TMEM182: variants seen among roughly 807,000 people sequenced by gnomAD.
TMEM182 encodes transmembrane protein 182.
Under a neutral mutation model 26.8 loss-of-function variants are expected in TMEM182, and 20 were observed. That is an observed-to-expected ratio of 0.75 (90% CI 0.53 to 1.09). The LOEUF (loss-of-function observed/expected upper bound fraction) is 1.09. Among genes scored for constraint, TMEM182 ranks in the 50% least tolerant of loss-of-function variants. The pLI, the probability that TMEM182 is intolerant of heterozygous loss-of-function variation, is 0.00. For synonymous variants in TMEM182, 109 were observed against 102.2 expected, an observed-to-expected ratio of 1.07 and a Z score of -0.40; for missense variants, 277 against 275.5, an observed-to-expected ratio of 1.01 and a Z score of -0.04.
chr2:102,784,749 C>T (rs1206389532), intron 3 of TMEM182, among the ~76,000 whole-genome samples: 1 of 152,090 alleles, frequency 6.6e-6, no homozygotes, highest in Non-Finnish European at 1.5e-5. Flanking sequence ...CTTTTTAGAC[C>T]ATATAGGGTA....
chr2:102,785,016 C>A (rs1025397170), intron 3 of TMEM182, among the ~76,000 whole-genome samples: 4 of 152,144 alleles, frequency 2.6e-5, no homozygotes, highest in Non-Finnish European at 4.4e-5. Flanking sequence ...TTACCCAGCT[C>A]GAGATGGAGT....
intron 1 of TMEM182, among the ~76,000 whole-genome samples, chr2:102,751,397 G>A (rs1679872290): frequency 6.6e-6 from 1 of 152,108 alleles, no homozygotes. Context: ...GTCATCTGCT[G>A]CCTACTGCAA....
At chr2:102,804,359 C>G (rs1682268600) in intron 4 of TMEM182, among the ~76,000 whole-genome samples, 1 of 152,054 alleles carries the variant, frequency 6.6e-6, no homozygotes, top group African/African-American at 2.4e-5. Context: ...CATTCTTATG[C>G]CTTTGCGTCC....
chr2:102,814,332 C>A (rs773812870), intron 4 of TMEM182, among the ~76,000 whole-genome samples: 7 of 151,888 alleles, frequency 4.6e-5, no homozygotes, highest in Non-Finnish European at 8.8e-5. Context: ...GGTAAGTGTA[C>A]CTATTTCAAT....
chr2:102,822,851 GTAGAAAGCAC>G (rs1302044578), intron 3 of TMEM182, among the ~76,000 whole-genome samples: 6 of 152,086 alleles, frequency 3.9e-5, no homozygotes, highest in Admixed American at 3.9e-4. Context: ...CACCCAGAAT[GTAGAAAGCAC>G]TCAGTACATT....
chr2:102,834,463 T>A, intron 3 of TMEM182: 1 of 985,008 alleles, frequency 1.0e-6, no homozygotes, highest in Non-Finnish European at 1.2e-6. Context: ...CGTCTGCCAG[T>A]GCCCCATGGT....
At chr2:102,841,866 G>T (rs188746620) in intron 3 of TMEM182, among the ~76,000 whole-genome samples, 2 of 152,094 alleles carry the variant, frequency 1.3e-5, no homozygotes, top group African/African-American at 4.8e-5. Context: ...CTTCCATCTC[G>T]CTATGTGTAT....
At chr2:102,769,026 T>C (rs571250044) in intron 3 of TMEM182, among the ~76,000 whole-genome samples, 1 of 152,280 alleles carries the variant, frequency 6.6e-6, no homozygotes, top group South Asian at 2.1e-4. Flanking sequence ...GTCAACTGTT[T>C]CTTCTACCAT....
chr2:102,809,840 T>C (rs1317175299), intron 4 of TMEM182, among the ~76,000 whole-genome samples: 1 of 152,230 alleles, frequency 6.6e-6, no homozygotes, highest in African/African-American at 2.4e-5. Context: ...CGATTTTGTT[T>C]TCTGATTCTA....
chr2:102,806,999 G>A (rs983547913), intron 4 of TMEM182, among the ~76,000 whole-genome samples: 7 of 152,194 alleles, frequency 4.6e-5, no homozygotes, highest in African/African-American at 1.7e-4. Context: ...CTCATTTTCA[G>A]ATTAAACCCC....
intron 3 of TMEM182, among the ~76,000 whole-genome samples, chr2:102,785,010 C>T (rs1681329293): frequency 6.6e-6 from 1 of 152,144 alleles, no homozygotes. Flanking sequence ...CTCATCTTAC[C>T]CAGCTCGAGA....
chr2:102,738,736 A>G (rs2732828), intron 1 of TMEM182, among the ~76,000 whole-genome samples: 122,263 of 152,156 alleles, frequency 0.8, 49,990 homozygotes, highest in East Asian at 1. Context: ...ACTAGTATAG[A>G]TGCATTTACA....
intron 4 of TMEM182, among the ~76,000 whole-genome samples, chr2:102,802,820 G>A (rs1425544553): frequency 1.3e-5 from 2 of 152,206 alleles, no homozygotes; most frequent in African/African-American, 4.8e-5. Context: ...CTGGCATTGG[G>A]AGATCAGCCA....
rs207462109 is a variant in TMEM182, at chr2:102,807,268, A to G, written c.470-7480A>G. On this transcript the variant is annotated intron_variant, in intron 4 of 4. Transcript: ENST00000412401. ...GCAGAATGATGAAGTGTGTGCAGCAATGAGTGTTTGGAAATCAGAAAAGTG... is the reference window on the plus strand; with the variant it reads ...GCAGAATGATGAAGTGTGTGCAGCAGTGAGTGTTTGGAAATCAGAAAAGTG... 2.0e-5 allele frequency among the ~76,000 whole-genome samples: 3 copies of G among 152,314 alleles called. No homozygotes were observed. The South Asian group carries it at 6.2e-4, about 32-fold the overall frequency.
intron 4 of TMEM182, among the ~76,000 whole-genome samples, chr2:102,810,988 A>G (rs1237554486): frequency 7.0e-6 from 1 of 141,954 alleles, no homozygotes; most frequent in South Asian, 2.4e-4. Flanking sequence ...CAAAATACAG[A>G]TGTTGTAAAT....
chr2:102,819,902 G>T (rs1263729083), downstream of TMEM182, among the ~76,000 whole-genome samples: 1 of 152,182 alleles, frequency 6.6e-6, no homozygotes, highest in African/African-American at 2.4e-5. Flanking sequence ...AGCATATGTG[G>T]TGTTGCATAT....
intron 3 of TMEM182, chr2:102,775,482 A>G (rs1436164232): frequency 1.3e-5 from 2 of 152,232 alleles, no homozygotes; most frequent in African/African-American, 4.8e-5. Flanking sequence ...CTGGCAAAAG[A>G]CAGGGATGCC....
At chr2:102,775,978 C>T (rs1219119161) in intron 3 of TMEM182, among the ~76,000 whole-genome samples, 1 of 151,966 alleles carries the variant, frequency 6.6e-6, no homozygotes, top group East Asian at 1.9e-4. Flanking sequence ...AAATTTCATT[C>T]TCCATGTGTT....
At chr2:102,794,932 G>T (rs930077657) in intron 3 of TMEM182, among the ~76,000 whole-genome samples, 2 of 152,094 alleles carry the variant, frequency 1.3e-5, no homozygotes, top group African/African-American at 4.8e-5. Context: ...TGACACAAAT[G>T]TGAGAACTTC....
Sources: allele counts gnomAD v4.1 joint callset (sites outside exome capture counted in the v4.1 genomes callset), GRCh38; gene constraint gnomAD v4.1.1; transcripts MANE v1.5; gene names NCBI Gene and HGNC (gene_info 2026-07-23, HGNC 2026-07-21).